The following DOCK2 variants were observed in gnomAD, a reference collection of about 807,000 sequenced individuals.
DOCK2 encodes dedicator of cytokinesis 2.
Under a neutral mutation model 248.9 loss-of-function variants are expected in DOCK2, and 87 were observed. The observed-to-expected ratio is 0.35, with a 90% confidence interval of 0.29 to 0.42. DOCK2 has a LOEUF of 0.42. Ranked by LOEUF, DOCK2 falls within the 10% of genes least tolerant of loss-of-function variation. The pLI, the probability that DOCK2 is intolerant of heterozygous loss-of-function variation, is 1.00. For synonymous variants in DOCK2, 805 were observed against 821.6 expected, an observed-to-expected ratio of 0.98 and a Z score of 0.35; for missense variants, 1,747 against 2,300.2, an observed-to-expected ratio of 0.76 and a Z score of 4.92.
At chr5:170,030,328 CAG>C (rs1756086019) in intron 34 of DOCK2, among the ~76,000 whole-genome samples, 2 of 152,162 alleles carry the variant, frequency 1.3e-5, no homozygotes, top group African/African-American at 4.8e-5. Context: ...AAGCCCGACA[CAG>C]GGAGCCAGGT....
intron 30 of DOCK2, among the ~76,000 whole-genome samples, chr5:170,006,725 C>G (rs889488800): frequency 6.6e-6 from 1 of 152,190 alleles, no homozygotes; most frequent in Non-Finnish European, 1.5e-5. Flanking sequence ...GGCCAGGGAT[C>G]GCTGTCTGTG....
At chr5:169,681,122 T>TA (rs1759637917) in intron 6 of DOCK2, among the ~76,000 whole-genome samples, 1 of 138,672 alleles carries the variant, frequency 7.2e-6, no homozygotes, top group African/African-American at 2.7e-5. Context: ...CCTTTTTTTT[T>TA]TTTTTTTTTT....
At chr5:169,783,358 T>C (rs1187959600) in intron 25 of DOCK2, among the ~76,000 whole-genome samples, 1 of 152,188 alleles carries the variant, frequency 6.6e-6, no homozygotes, top group African/African-American at 2.4e-5. Context: ...TTCAGGGTTT[T>C]CCATTTGGTT....
chr5:169,744,567 G>T (rs115910897), intron 22 of DOCK2, among the ~76,000 whole-genome samples: 1 of 151,726 alleles, frequency 6.6e-6, no homozygotes, highest in African/African-American at 2.4e-5. Flanking sequence ...TAGGCAAAAA[G>T]GAGAGTTTAT....
At chr5:169,965,166 CA>C (rs1022228903) in intron 27 of DOCK2, among the ~76,000 whole-genome samples, 4 of 152,218 alleles carry the variant, frequency 2.6e-5, no homozygotes, top group African/African-American at 7.2e-5. Flanking sequence ...AGAAGGCTTA[CA>C]AAAGATACAT....
chr5:169,882,500 T>A, intron 27 of DOCK2: 1 of 1,438,464 alleles, frequency 7.0e-7, no homozygotes, highest in Non-Finnish European at 9.3e-7. Flanking sequence ...TGCCCCTGTG[T>A]TGGCAAATGA....
At chr5:170,061,635 G>A (rs1757330912) in intron 44 of DOCK2, among the ~76,000 whole-genome samples, 1 of 152,228 alleles carries the variant, frequency 6.6e-6, no homozygotes, top group Non-Finnish European at 1.5e-5. Flanking sequence ...CCGTAGGCGA[G>A]AAGCCAAAAT....
At chr5:169,721,741 C>A (rs1762217126) in intron 22 of DOCK2, among the ~76,000 whole-genome samples, 1 of 152,190 alleles carries the variant, frequency 6.6e-6, no homozygotes, top group African/African-American at 2.4e-5. Context: ...AAGGATTTTC[C>A]TGTGTCAGTA....
At chr5:169,652,989 A>G (rs1453085479) in intron 1 of DOCK2, among the ~76,000 whole-genome samples, 11 of 152,166 alleles carry the variant, frequency 7.2e-5, no homozygotes, top group African/African-American at 2.7e-4. Flanking sequence ...GTACCTGTAG[A>G]GTAGAGGAGT....
At chr5:169,699,975 G>A (rs1221392626) in intron 12 of DOCK2, 39 bp from the exon 13 acceptor site, 1 of 1,610,854 alleles carries the variant, frequency 6.2e-7, no homozygotes, top group African/African-American at 1.3e-5. Context: ...GGGGTCACTT[G>A]CAAAAGTGGG....
chr5:169,826,804 C>G (rs1768892803), intron 26 of DOCK2, among the ~76,000 whole-genome samples: 1 of 152,158 alleles, frequency 6.6e-6, no homozygotes, highest in Admixed American at 6.5e-5. Flanking sequence ...CTCTGCAGCA[C>G]CTCCCTCAGG....
chr5:170,005,067 TAAAA>T (rs33958422), intron 30 of DOCK2, among the ~76,000 whole-genome samples: 2 of 137,994 alleles, frequency 1.4e-5, no homozygotes, highest in Admixed American at 7.2e-5. Flanking sequence ...TAAAGTATAA[TAAAA>T]AAAAAAAAAA....
chr5:170,031,582 G>A (rs1159012526), intron 34 of DOCK2, among the ~76,000 whole-genome samples: 1 of 152,190 alleles, frequency 6.6e-6, no homozygotes, highest in Admixed American at 6.5e-5. Context: ...CTGGAACACA[G>A]GAAGTACTCA....
intron 10 of DOCK2, among the ~76,000 whole-genome samples, chr5:169,696,190 T>C (rs932322983): frequency 1.3e-5 from 2 of 152,280 alleles, no homozygotes; most frequent in South Asian, 4.1e-4. Flanking sequence ...ACCGGGGCCG[T>C]CTGAGCAGTT....
At chr5:170,038,528 T>C (rs933536980) in intron 36 of DOCK2, among the ~76,000 whole-genome samples, 2 of 152,298 alleles carry the variant, frequency 1.3e-5, no homozygotes, top group African/African-American at 4.8e-5. Flanking sequence ...ACTCAGAAGG[T>C]GTGACAACAC....
At chr5:169,937,985 C>T (rs755039498) in intron 27 of DOCK2, among the ~76,000 whole-genome samples, 2 of 152,284 alleles carry the variant, frequency 1.3e-5, no homozygotes, top group Non-Finnish European at 2.9e-5. Context: ...TATGGCCAGA[C>T]AGATAGTGAA....
At chr5:169,644,656 G>A (rs1757349850) in intron 1 of DOCK2, among the ~76,000 whole-genome samples, 1 of 151,104 alleles carries the variant, frequency 6.6e-6, no homozygotes, top group Non-Finnish European at 1.5e-5. Context: ...ACAGTTCTGG[G>A]ATACAAGTGC....
chr5:169,660,504 T>C (rs1758385379), intron 2 of DOCK2, among the ~76,000 whole-genome samples: 1 of 152,182 alleles, frequency 6.6e-6, no homozygotes, highest in South Asian at 2.1e-4. Flanking sequence ...CATTTGAAAA[T>C]ATTGGAGTGC....
intron 27 of DOCK2, among the ~76,000 whole-genome samples, chr5:169,964,517 C>G (rs552394587): frequency 6.6e-6 from 1 of 152,352 alleles, no homozygotes; most frequent in South Asian, 2.1e-4. Flanking sequence ...GTGGCCAGCT[C>G]TTCTGCTGGA....
Sources: gnomAD v4.1 joint callset for allele counts (sites outside exome capture counted in the v4.1 genomes callset) on GRCh38, gnomAD v4.1.1 for gene constraint, MANE v1.5 for transcripts, NCBI Gene and HGNC (gene_info 2026-07-23, HGNC 2026-07-21) for gene names.